GALNTL6: variants seen among roughly 807,000 people sequenced by gnomAD.
GALNTL6 encodes the protein polypeptide N-acetylgalactosaminyltransferase like 6.
A neutral mutation model predicts 73.7 loss-of-function variants in GALNTL6; 46 were observed. The ratio of observed to expected loss-of-function variants is 0.62; its 90% CI spans 0.49 to 0.80. The LOEUF (loss-of-function observed/expected upper bound fraction) is 0.80, where lower values mean the gene tolerates loss of function less well. Ranked by LOEUF, GALNTL6 falls within the 30% of genes least tolerant of loss-of-function variation. The probability of loss-of-function intolerance (pLI) is 0.00; values close to 1 mark genes in which losing one functional copy is unlikely to be tolerated. For missense variants in GALNTL6, 604 were observed against 755.0 expected, an observed-to-expected ratio of 0.80 and a Z score of 2.34; for synonymous variants, 259 against 263.7, an observed-to-expected ratio of 0.98 and a Z score of 0.17.
chr4:172,960,945 TGG>T (rs1244931649), intron 10 of GALNTL6, among the ~76,000 whole-genome samples: 1 of 129,060 alleles, frequency 7.7e-6, no homozygotes, highest in South Asian at 2.5e-4. Flanking sequence ...AGAGAAAGGG[TGG>T]GGGTGCTTGC....
intron 2 of GALNTL6, among the ~76,000 whole-genome samples, chr4:171,976,841 C>CA (rs1739738290): frequency 6.6e-6 from 1 of 152,024 alleles, no homozygotes. Context: ...TTCTCAGGAA[C>CA]AAAAATCTCT....
chr4:171,854,679 G>A (rs995675941), intron 2 of GALNTL6, among the ~76,000 whole-genome samples: 2 of 152,146 alleles, frequency 1.3e-5, no homozygotes, highest in Admixed American at 1.3e-4. Context: ...AGGTGCTAGA[G>A]GATTTGGTGA....
intron 10 of GALNTL6, among the ~76,000 whole-genome samples, chr4:173,000,724 A>G (rs1752009405): frequency 6.6e-6 from 1 of 152,230 alleles, no homozygotes; most frequent in South Asian, 2.1e-4. Flanking sequence ...GACCAAGGGA[A>G]TCCAATAGAT....
chr4:172,914,758 A>C (rs1747408911), intron 8 of GALNTL6, among the ~76,000 whole-genome samples: 1 of 152,200 alleles, frequency 6.6e-6, no homozygotes, highest in South Asian at 2.1e-4. Context: ...GCAAGTCCTT[A>C]GAGACCTACA....
intron 7 of GALNTL6, among the ~76,000 whole-genome samples, chr4:172,828,969 C>T (rs142719351): frequency 5.1e-4 from 77 of 152,330 alleles, no homozygotes; most frequent in African/African-American, 1.7e-3. Flanking sequence ...CGGAGCTATG[C>T]ATGCTCCCTC....
At chr4:172,221,384 T>C (rs936697055) in intron 2 of GALNTL6, among the ~76,000 whole-genome samples, 3 of 151,656 alleles carry the variant, frequency 2.0e-5, no homozygotes, top group African/African-American at 7.3e-5. Context: ...ATTCAGCAGG[T>C]TATAAAACCC....
intron 5 of GALNTL6, among the ~76,000 whole-genome samples, chr4:172,452,295 G>A (rs747367457): frequency 9.9e-5 from 15 of 151,418 alleles, no homozygotes; most frequent in Non-Finnish European, 1.5e-4. Flanking sequence ...ACACATACAC[G>A]TATTTTCACT....
chr4:171,929,738 C>T (rs1738115180), intron 2 of GALNTL6, among the ~76,000 whole-genome samples: 3 of 152,200 alleles, frequency 2.0e-5, no homozygotes, highest in Non-Finnish European at 2.9e-5. Context: ...CACGCACCCA[C>T]CCCTGGCCTG....
chr4:172,325,544 A>T (rs1740913295), intron 4 of GALNTL6, among the ~76,000 whole-genome samples: 1 of 151,976 alleles, frequency 6.6e-6, no homozygotes. Flanking sequence ...TGAGTTCCTT[A>T]AAATAATGTT....
chr4:172,750,611 T>C (rs1737368815), intron 5 of GALNTL6, among the ~76,000 whole-genome samples: 1 of 152,188 alleles, frequency 6.6e-6, no homozygotes, highest in Non-Finnish European at 1.5e-5. Context: ...AATCTGCAAC[T>C]CCTCCCTTGA....
At chr4:171,984,595 A>G (rs1240700886) in intron 2 of GALNTL6, among the ~76,000 whole-genome samples, 2 of 152,114 alleles carry the variant, frequency 1.3e-5, no homozygotes, top group African/African-American at 2.4e-5. Context: ...TGGAGTTTCT[A>G]AGTCCACAGT....
At chr4:172,308,011 T>TTTTA in intron 3 of GALNTL6, among the ~76,000 whole-genome samples, 1 of 124,238 alleles carries the variant, frequency 8.0e-6, no homozygotes, top group South Asian at 2.8e-4. Flanking sequence ...AACTTTTTTT[T>TTTTA]TTTTTTTTTT....
chr4:173,000,312 A>G (rs1751991919), intron 10 of GALNTL6, among the ~76,000 whole-genome samples: 1 of 152,188 alleles, frequency 6.6e-6, no homozygotes, highest in Non-Finnish European at 1.5e-5. Context: ...CCACTACATT[A>G]TATGTCTCCC....
At chr4:172,546,159 AT>A (rs1191102857) in intron 5 of GALNTL6, among the ~76,000 whole-genome samples, 1 of 152,148 alleles carries the variant, frequency 6.6e-6, no homozygotes, top group Non-Finnish European at 1.5e-5. Flanking sequence ...CAGAAGTTAA[AT>A]AACTTACTCA....
intron 2 of GALNTL6, among the ~76,000 whole-genome samples, chr4:172,170,083 A>G (rs1734760963): frequency 6.6e-6 from 1 of 152,130 alleles, no homozygotes; most frequent in South Asian, 2.1e-4. Context: ...CTTCCCCCAC[A>G]TTCCACAATC....
chr4:172,377,963 C>T (rs554655837), intron 5 of GALNTL6, among the ~76,000 whole-genome samples: 38 of 151,804 alleles, frequency 2.5e-4, no homozygotes, highest in Non-Finnish European at 4.0e-4. Context: ...GCTCTGGCCT[C>T]GGCCAGCCCA....
chr4:172,518,129 G>A (rs1318550171), intron 5 of GALNTL6, among the ~76,000 whole-genome samples: 1 of 151,658 alleles, frequency 6.6e-6, no homozygotes, highest in Non-Finnish European at 1.5e-5. Context: ...TCACCAAAGG[G>A]ATCCTGGCTA....
intron 4 of GALNTL6, among the ~76,000 whole-genome samples, chr4:172,320,415 C>T (rs780255954): frequency 6.6e-6 from 1 of 152,168 alleles, no homozygotes; most frequent in African/African-American, 2.4e-5. Flanking sequence ...AAACATATAG[C>T]ACCAAATATC....
chr4:172,955,523 C>T (rs1340803735), intron 10 of GALNTL6, among the ~76,000 whole-genome samples: 1 of 151,828 alleles, frequency 6.6e-6, no homozygotes, highest in Admixed American at 6.6e-5. Flanking sequence ...AACTTAATCT[C>T]TGACAAAAAA....
Sources: allele counts gnomAD v4.1 joint callset (sites outside exome capture counted in the v4.1 genomes callset), GRCh38; gene constraint gnomAD v4.1.1; transcripts MANE v1.5; gene names NCBI Gene and HGNC (gene_info 2026-07-23, HGNC 2026-07-21).